The following KSR2 variants were observed in gnomAD, a reference collection of about 807,000 sequenced individuals.
The protein encoded by KSR2 is kinase suppressor of ras 2.
Under a neutral mutation model 107.8 loss-of-function variants are expected in KSR2, and 25 were observed. The observed-to-expected ratio is 0.23, with a 90% CI of 0.17 to 0.32. The LOEUF (loss-of-function observed/expected upper bound fraction) is 0.32, where lower values mean the gene tolerates loss of function less well. KSR2 is among the 10% of genes least tolerant of loss of function. The pLI, the probability that KSR2 is intolerant of heterozygous loss-of-function variation, is 1.00. For missense variants in KSR2, 887 were observed against 1,268.9 expected (o/e 0.70, Z 4.57); for synonymous variants, 480 against 507.0 (o/e 0.95, Z 0.71).
At chr12:117,689,399 T>C (rs1342416910) in intron 4 of KSR2, among the ~76,000 whole-genome samples, 2 of 152,218 alleles carry the variant, frequency 1.3e-5, no homozygotes, top group Non-Finnish European at 2.9e-5. Context: ...GGTGGTTCTA[T>C]AACAGGGGTG....
chr12:117,477,465 G>A (rs1251317207), intron 16 of KSR2, among the ~76,000 whole-genome samples: 1 of 152,198 alleles, frequency 6.6e-6, no homozygotes, highest in African/African-American at 2.4e-5. Context: ...CCCTCCTGGA[G>A]CTTGCACTTT....
chr12:117,890,588 C>T (rs1894311411), intron 1 of KSR2, among the ~76,000 whole-genome samples: 1 of 152,220 alleles, frequency 6.6e-6, no homozygotes, highest in Non-Finnish European at 1.5e-5. Context: ...AAGAACTTTT[C>T]ATAGAAGAAC....
chr12:117,911,755 C>T (rs551398835), intron 1 of KSR2, among the ~76,000 whole-genome samples: 1 of 152,260 alleles, frequency 6.6e-6, no homozygotes, highest in East Asian at 1.9e-4. Context: ...GAATAAATGA[C>T]AGTGTTGACC....
chr12:117,625,164 T>C (rs954798304), intron 5 of KSR2, among the ~76,000 whole-genome samples: 15 of 152,168 alleles, frequency 9.9e-5, no homozygotes, highest in Non-Finnish European at 1.5e-5. Flanking sequence ...ACAATTTGAC[T>C]TCCTCATTTC....
chr12:117,814,559 A>G (rs1306829403), intron 3 of KSR2, among the ~76,000 whole-genome samples: 1 of 152,134 alleles, frequency 6.6e-6, no homozygotes, highest in African/African-American at 2.4e-5. Flanking sequence ...AAACTGCACA[A>G]TGGGTACCTC....
intron 5 of KSR2, among the ~76,000 whole-genome samples, chr12:117,663,769 A>G (rs958845173): frequency 2.6e-5 from 4 of 152,172 alleles, no homozygotes; most frequent in Admixed American, 2.6e-4. Context: ...TTTCATTGTG[A>G]AGTAGCCTTT....
chr12:117,641,536 ATC>A (rs1883357995), intron 5 of KSR2, among the ~76,000 whole-genome samples: 1 of 151,906 alleles, frequency 6.6e-6, no homozygotes, highest in Non-Finnish European at 1.5e-5. Context: ...CTCCCTGTGC[ATC>A]TCTGTGTCTG....
chr12:117,696,515 C>A (rs632568), intron 4 of KSR2, among the ~76,000 whole-genome samples: 2 of 151,220 alleles, frequency 1.3e-5, no homozygotes, highest in Admixed American at 1.3e-4. Flanking sequence ...TAGCACTGGT[C>A]GGGGGGAGTA....
At chr12:117,612,674 A>G (rs1425242196) in intron 5 of KSR2, among the ~76,000 whole-genome samples, 1 of 152,102 alleles carries the variant, frequency 6.6e-6, no homozygotes, top group East Asian at 1.9e-4. Context: ...CCAGTGGCCA[A>G]TACACCTATG....
intron 1 of KSR2, among the ~76,000 whole-genome samples, chr12:117,925,900 C>T (rs1248383176): frequency 6.6e-6 from 1 of 152,138 alleles, no homozygotes; most frequent in Non-Finnish European, 1.5e-5. Flanking sequence ...TATGGATATT[C>T]TTCATGTAGG....
In KSR2 at chr12:117,843,905, C is replaced by T. The variant is rs1011110023; in HGVS notation, c.472+11523G>A. ...TACCTATGTCAGGGTAGGTTCAAGA[C>T]CTTTCTCTGAATCTTAAGCTTCCCT... is the stretch of plus-strand genomic sequence containing the variant. On this transcript the variant is annotated intron_variant, in intron 3 of 19. Transcript: ENST00000339824. Among the ~76,000 whole-genome samples, 23 of 151,378 alleles carry T rather than the reference C, an allele frequency of 1.5e-4. 1 individual carries two copies. The highest frequency in any genetic ancestry group is 2.9e-5 in the Non-Finnish European group (2 of 67,882).
chr12:117,789,681 C>T (rs1890191492), intron 3 of KSR2, among the ~76,000 whole-genome samples: 1 of 152,170 alleles, frequency 6.6e-6, no homozygotes, highest in Non-Finnish European at 1.5e-5. Flanking sequence ...CCCTCCCTAT[C>T]CCTCACATTG....
chr12:117,469,619 G>A (rs1351931845), intron 19 of KSR2, 43 bp downstream of exon 19: 3 of 1,600,152 alleles, frequency 1.9e-6, no homozygotes, highest in Non-Finnish European at 2.6e-6. Context: ...ACAAAGGGCA[G>A]AGGACAAGGC....
At chr12:117,773,830 A>G (rs1213054727) in intron 3 of KSR2, among the ~76,000 whole-genome samples, 1 of 152,212 alleles carries the variant, frequency 6.6e-6, no homozygotes, top group East Asian at 1.9e-4. Flanking sequence ...GCGAAGTACA[A>G]TAAGTACTAG....
chr12:117,925,614 CTATTAA>C (rs796536323), intron 1 of KSR2, among the ~76,000 whole-genome samples: 2 of 152,042 alleles, frequency 1.3e-5, no homozygotes, highest in Non-Finnish European at 2.9e-5. Context: ...GCAGCAATGG[CTATTAA>C]TATTATTACT....
At chr12:117,471,377 A>G in intron 17 of KSR2, 57 bp from the exon 18 acceptor site, 1 of 1,566,280 alleles carries the variant, frequency 6.4e-7, no homozygotes, top group African/African-American at 1.4e-5. Flanking sequence ...GCAACCTTGT[A>G]CCTCCATTAT....
At chr12:117,559,570 T>C (rs1877965729) in intron 7 of KSR2, among the ~76,000 whole-genome samples, 1 of 152,212 alleles carries the variant, frequency 6.6e-6, no homozygotes, top group Non-Finnish European at 1.5e-5. Flanking sequence ...GCCGCTCATT[T>C]TTCTTAAAGC....
At chr12:117,535,904 G>T (rs1204715699) in intron 10 of KSR2, among the ~76,000 whole-genome samples, 1 of 151,880 alleles carries the variant, frequency 6.6e-6, no homozygotes, top group Non-Finnish European at 1.5e-5. Context: ...AGCAAAGCTG[G>T]GATCCAACTC....
At chr12:117,505,646 C>G (rs1274378480) in intron 14 of KSR2, among the ~76,000 whole-genome samples, 1 of 152,192 alleles carries the variant, frequency 6.6e-6, no homozygotes, top group Non-Finnish European at 1.5e-5. Flanking sequence ...CTTTTCTTAT[C>G]ACAATTACTC....
Sources: allele counts gnomAD v4.1 joint callset (sites outside exome capture counted in the v4.1 genomes callset), GRCh38; gene constraint gnomAD v4.1.1; transcripts MANE v1.5; gene names NCBI Gene and HGNC (gene_info 2026-07-23, HGNC 2026-07-21).